The following WNT3A variants were observed in gnomAD, a reference collection of about 807,000 sequenced individuals.
WNT3A encodes protein Wnt-3a.
In WNT3A, 17 loss-of-function variants were observed where a neutral mutation model predicts 37.0. The observed-to-expected ratio is 0.46, with a 90% confidence interval of 0.31 to 0.69. The LOEUF is 0.69. Ranked by LOEUF, WNT3A falls within the 30% of genes least tolerant of loss-of-function variation. The pLI is 0.05. For missense variants in WNT3A, 411 were observed against 510.2 expected (o/e 0.81, Z 1.87); for synonymous variants, 187 against 211.0 (o/e 0.89, Z 0.99).
In WNT3A at chr1:228,060,347, C is replaced by T. The variant is rs772427765; in HGVS notation, c.*882C>T. 7.6e-7 allele frequency: 1 copy of T among 1,309,334 alleles called. No homozygotes were observed. The highest frequency in any genetic ancestry group is 1.0e-6 in the Non-Finnish European group (1 of 984,540). The allele number at this position is 1,309,334 out of a possible 1,614,324, so 81.1% of individuals were successfully genotyped here. Reference sequence around the variant, plus strand: ...ACCCGTGCCCCTGGGATCCGAGGGCCCCTCTCCAAGCGCCTGGCTTTGGAA... The same window carrying T: ...ACCCGTGCCCCTGGGATCCGAGGGCTCCTCTCCAAGCGCCTGGCTTTGGAA... On this transcript the variant is annotated 3_prime_UTR_variant, in exon 4 of 4. Transcript: ENST00000284523.
chr1:228,056,207 C>G (rs1187176959), intron 3 of WNT3A, among the ~76,000 whole-genome samples: 1 of 152,210 alleles, frequency 6.6e-6, no homozygotes, highest in African/African-American at 2.4e-5. Flanking sequence ...TTTAGTGTCC[C>G]ATTTTTAAAT....
At chr1:228,048,108 G>A (rs11584499) in intron 2 of WNT3A, among the ~76,000 whole-genome samples, 14,808 of 152,216 alleles carry the variant, frequency 0.097, 791 homozygotes, top group East Asian at 0.19. Context: ...CTCTGCCAAG[G>A]AGGAGCAGGG....
Position 228,059,992 on chromosome 1 carries a change from G to A in WNT3A, c.*527G>A. ...TTAGGAGTGGGGTTTTATGGTGGAT[G>A]AGGCTTCTTCCTGGATGGGGCAGAG... On this transcript the variant is annotated 3_prime_UTR_variant, in exon 4 of 4. Coordinates refer to ENST00000284523, the MANE Select transcript of WNT3A (RefSeq NM_033131.4). 1 of 1,150,758 alleles carries A rather than the reference G, an allele frequency of 8.7e-7. No individual in the cohort carries two copies. The highest frequency in any genetic ancestry group is 1.1e-6 in the Non-Finnish European group (1 of 920,406). 71.3% of individuals were successfully genotyped at this position (1,150,758 alleles called of 1,614,324 possible).
intron 2 of WNT3A, among the ~76,000 whole-genome samples, chr1:228,045,350 C>T (rs749763334): frequency 1.3e-5 from 2 of 152,064 alleles, no homozygotes; most frequent in Non-Finnish European, 2.9e-5. Flanking sequence ...TGTGGGATGC[C>T]CAGGCCATTT....
intron 1 of WNT3A, among the ~76,000 whole-genome samples, chr1:228,020,827 C>T (rs1440952511): frequency 1.3e-5 from 2 of 152,098 alleles, no homozygotes; most frequent in South Asian, 2.1e-4. Context: ...AAATGAGGGA[C>T]AGACAGGAGG....
At position 228,016,737 on chromosome 1, in the gene WNT3A, C is replaced by T. The variant is rs185306478; in HGVS notation, c.72-5930C>T. Reference sequence around the variant, plus strand: ...TCTGCAGGCTGTACAAGCATGGCACCGGCATCTGCTGAGGCCTCAGGGAGC... The same window carrying T: ...TCTGCAGGCTGTACAAGCATGGCACTGGCATCTGCTGAGGCCTCAGGGAGC... On this transcript the variant is annotated intron_variant, in intron 1 of 3. Transcript: ENST00000284523. Among the ~76,000 whole-genome samples, 30 of 152,212 alleles carry T rather than the reference C, an allele frequency of 2.0e-4. 1 individual carries two copies. The South Asian group carries it at 5.2e-3, about 26-fold the overall frequency.
rs909145117 is a variant in WNT3A, at chr1:228,031,940, G to T, written c.313+9032G>T. On this transcript the variant is annotated intron_variant, in intron 2 of 3. Coordinates refer to ENST00000284523, the MANE Select transcript of WNT3A (RefSeq NM_033131.4). This position sits in a 1 kb window ranked among gnomAD's most constrained non-coding sequence, Gnocchi z 4.8. Reference sequence around the variant, plus strand: ...TCTGAGAAGGAAGCAGCGATTTTAGGAAGAAAGCAGGAAGCCTGTCCTGCT... The same window carrying T: ...TCTGAGAAGGAAGCAGCGATTTTAGTAAGAAAGCAGGAAGCCTGTCCTGCT... 2.0e-5 allele frequency among the ~76,000 whole-genome samples: 3 copies of T among 152,174 alleles called. No individual in the cohort carries two copies. The highest frequency in any genetic ancestry group is 2.9e-5 in the Non-Finnish European group (2 of 68,024).
chr1:228,044,559 C>T (rs1186377523), intron 2 of WNT3A, among the ~76,000 whole-genome samples: 1 of 152,188 alleles, frequency 6.6e-6, no homozygotes, highest in Non-Finnish European at 1.5e-5. Context: ...CAATTAGATG[C>T]AGGCTGTGCA....
chr1:228,055,176 AAAAATATATATATATATATATATATAT>A (rs1261665513), intron 3 of WNT3A, among the ~76,000 whole-genome samples: 1,321 of 59,088 alleles, frequency 0.022, 83 homozygotes, highest in South Asian at 0.032. Context: ...AAAAAAAAAA[AAAAATATATATATATATATATATATAT>A]ATATATATAT....
chr1:228,055,216 A>ATATATG (rs1490963885), intron 3 of WNT3A, among the ~76,000 whole-genome samples: 75 of 130,312 alleles, frequency 5.8e-4, no homozygotes, highest in Non-Finnish European at 9.2e-4. Context: ...ATATATATAT[A>ATATATG]TATACACACA....
chr1:228,029,902 C>T (rs1040335004), intron 2 of WNT3A, among the ~76,000 whole-genome samples: 2 of 151,972 alleles, frequency 1.3e-5, no homozygotes, highest in African/African-American at 4.8e-5. Flanking sequence ...GAGTTCAAGA[C>T]CAGCCTGGGA....
chr1:228,023,214 G>A (rs987606435), intron 2 of WNT3A, among the ~76,000 whole-genome samples: 3 of 152,200 alleles, frequency 2.0e-5, no homozygotes, highest in Non-Finnish European at 2.9e-5. Context: ...GCTTGCAGAG[G>A]AAATACACAA....
In WNT3A at chr1:228,050,606, G is replaced by A. The variant is rs142787866; in HGVS notation, c.314-50G>A. 62 of 1,533,280 alleles carry A rather than the reference G, an allele frequency of 4.0e-5. 2 individuals are homozygous for A. Among genetic ancestry groups the A allele is most frequent in the African/African-American group, 3.7e-4 (27 of 72,714 alleles). 95.0% of individuals were successfully genotyped at this position (1,533,280 alleles called of 1,614,324 possible). ...CTAAGACCCCTGACCTGCCCAAGGC[G>A]GTCCTTTGAGCTGAGCCCTGTTAAC... On this transcript the variant is annotated intron_variant, in intron 2 of 3. Coordinates refer to ENST00000284523, the MANE Select transcript of WNT3A (RefSeq NM_033131.4). This position sits in a 1 kb window ranked among gnomAD's most constrained non-coding sequence, Gnocchi z 5.0.
intron 1 of WNT3A, among the ~76,000 whole-genome samples, chr1:228,019,713 C>T (rs1207397028): frequency 6.6e-6 from 1 of 152,252 alleles, no homozygotes; most frequent in Non-Finnish European, 1.5e-5. Context: ...TCACACCCAC[C>T]ACCCTCTCCA....
intron 3 of WNT3A, among the ~76,000 whole-genome samples, chr1:228,056,740 C>T (rs922764107): frequency 2.6e-5 from 4 of 152,228 alleles, no homozygotes; most frequent in African/African-American, 9.6e-5. Context: ...TGCTGTGAAG[C>T]TCAGAGCCTA....
chr1:228,052,416 T>C (rs1049087528), intron 3 of WNT3A, among the ~76,000 whole-genome samples: 6 of 152,196 alleles, frequency 3.9e-5, no homozygotes, highest in Non-Finnish European at 2.9e-5. Flanking sequence ...AGTGCTGTGA[T>C]TACAGGTGTG....
At position 228,008,647 on chromosome 1, in the gene WNT3A, G is replaced by T. The variant is rs1342291397; in HGVS notation, c.71+1448G>T. ...GATACTGACGCGCGTCCAGACGGCC[G>T]CAGGGAGCCAGGGGCAGCGCGTCCG... On this transcript the variant is annotated intron_variant, in intron 1 of 3. Transcript: ENST00000284523. This position sits in a 1 kb window ranked among gnomAD's most constrained non-coding sequence, Gnocchi z 4.9. Among the ~76,000 whole-genome samples the T allele has an allele frequency of 6.6e-6, 1 of 152,154 alleles. No homozygotes were observed. Among genetic ancestry groups the T allele is most frequent in the African/African-American group, 2.4e-5 (1 of 41,450 alleles).
At chr1:228,046,864 G>A (rs927246019) in intron 2 of WNT3A, among the ~76,000 whole-genome samples, 8 of 151,884 alleles carry the variant, frequency 5.3e-5, no homozygotes, top group African/African-American at 1.9e-4. Flanking sequence ...GCATCAGGTG[G>A]GGTGTGCATG....
In WNT3A at chr1:228,059,322, G is replaced by A; in HGVS notation, c.916G>A (p.Gly306Ser). The A allele has an allele frequency of 1.3e-6, 2 of 1,575,338 alleles. No homozygotes were observed. The highest frequency in any genetic ancestry group is 1.7e-6 in the Non-Finnish European group (2 of 1,165,616). Residue 306 changes from glycine (G) to serine (S), a missense_variant, in exon 4 of 4, where the codon GGC becomes AGC. Gly to Ser is a moderately conservative substitution (Grantham distance 56). Coordinates refer to ENST00000284523, the MANE Select transcript of WNT3A (RefSeq NM_033131.4). ...TCNVSSHGID[G>S]CDLLCCGRGH... is the part of the protein sequence containing the mutation. ...CAACGTCAGCTCGCACGGCATCGAC[G>A]GCTGCGACCTGCTGTGCTGCGGCCG...
Sources: allele counts gnomAD v4.1 joint callset (sites outside exome capture counted in the v4.1 genomes callset), GRCh38; gene constraint gnomAD v4.1.1; non-coding constraint Gnocchi (gnomAD v3.1); transcripts MANE v1.5; gene names NCBI Gene and HGNC (gene_info 2026-07-23, HGNC 2026-07-21).